SUMF1: variants seen among roughly 807,000 people sequenced by gnomAD.
The protein encoded by SUMF1 is sulfatase modifying factor 1.
A neutral mutation model predicts 47.6 loss-of-function variants in SUMF1; 48 were observed. The ratio of observed to expected loss-of-function variants is 1.01; its 90% CI spans 0.80 to 1.28. The LOEUF is 1.28. Among genes scored for constraint, SUMF1 ranks in the 50% most tolerant of loss-of-function variants. SUMF1 has a pLI of 0.00. For missense variants in SUMF1, 571 were observed against 485.4 expected (o/e 1.18, Z -1.66); for synonymous variants, 230 against 192.1 (o/e 1.20, Z -1.63).
chr3:4,216,665 T>C lies in SUMF1; in HGVS notation c.1015-147920A>G, dbSNP rs1016017665. 5.3e-5 allele frequency among the ~76,000 whole-genome samples: 8 copies of C among 151,778 alleles called. No individual in the cohort carries two copies. The East Asian group carries it at 1.5e-3, about 29-fold the overall frequency. On this transcript the variant is annotated intron_variant and NMD_transcript_variant, in intron 8 of 12. Transcript: ENST00000448413. ...GAATCTACAAAGAACTCAAACAAAT[T>C]TACAAGAAAAAAACAACCCCATCAA...
In SUMF1 at chr3:4,292,092, C is replaced by G. The variant is rs577201372; in HGVS notation, c.1014+84238G>C. The stretch of plus-strand genomic sequence containing the variant: ...GCAAAAACATGTTTGGAATAAAACT[C>G]CAGTTGTTCAAATGTAAATCTATTG... On this transcript the variant is annotated intron_variant and NMD_transcript_variant, in intron 8 of 12. Transcript: ENST00000448413. Among the ~76,000 whole-genome samples the G allele has an allele frequency of 2.0e-5, 3 of 152,238 alleles. No homozygotes were observed. In the East Asian group the frequency reaches 5.8e-4, roughly 29 times the overall value.
chr3:4,386,421 C>T (rs1349354945), intron 7 of SUMF1, among the ~76,000 whole-genome samples: 4 of 152,012 alleles, frequency 2.6e-5, no homozygotes, highest in Admixed American at 2.6e-4. Context: ...TGTTGTTAGT[C>T]TTACAAAAAT....
chr3:4,272,299 G>T (rs554561850), intron 8 of SUMF1, among the ~76,000 whole-genome samples: 14 of 152,356 alleles, frequency 9.2e-5, no homozygotes, highest in Non-Finnish European at 1.8e-4. Flanking sequence ...AAAACGCAGA[G>T]GCTGGGCTGT....
At chr3:4,355,470 A>T (rs1270151940) in intron 8 of SUMF1, among the ~76,000 whole-genome samples, 1 of 152,142 alleles carries the variant, frequency 6.6e-6, no homozygotes, top group African/African-American at 2.4e-5. Flanking sequence ...GCAGAGAAAA[A>T]TTGTGGACTT....
At chr3:4,279,058 G>T (rs1697477558) in intron 8 of SUMF1, among the ~76,000 whole-genome samples, 1 of 152,148 alleles carries the variant, frequency 6.6e-6, no homozygotes, top group East Asian at 1.9e-4. Flanking sequence ...CAAAGGATTG[G>T]AAAATTTTTT....
intron 8 of SUMF1, among the ~76,000 whole-genome samples, chr3:4,220,370 T>C (rs1406152820): frequency 6.6e-6 from 1 of 152,172 alleles, no homozygotes; most frequent in Non-Finnish European, 1.5e-5. Flanking sequence ...AGTAGCGATG[T>C]CCAAAGCATT....
intron 8 of SUMF1, among the ~76,000 whole-genome samples, chr3:4,247,131 T>G (rs1696689015): frequency 6.6e-6 from 1 of 152,206 alleles, no homozygotes. Flanking sequence ...AGGAGGCATA[T>G]TTTTTCACTG....
chr3:4,078,118 T>C (rs1239352230), intron 8 of SUMF1, among the ~76,000 whole-genome samples: 5 of 152,110 alleles, frequency 3.3e-5, no homozygotes, highest in African/African-American at 7.3e-5. Context: ...TGATTGCATA[T>C]GGTACTGTTC....
chr3:4,087,497 G>A (rs1454296999), intron 8 of SUMF1, among the ~76,000 whole-genome samples: 2 of 152,082 alleles, frequency 1.3e-5, no homozygotes, highest in Non-Finnish European at 2.9e-5. Flanking sequence ...TTGACCTCTA[G>A]CCAGTAGTTC....
At chr3:4,352,434 C>G (rs1559238583) in intron 8 of SUMF1, among the ~76,000 whole-genome samples, 1 of 152,122 alleles carries the variant, frequency 6.6e-6, no homozygotes, top group Non-Finnish European at 1.5e-5. Flanking sequence ...ACAATGAACA[C>G]AGTCTACCAG....
chr3:4,319,408 G>T (rs1698772402), intron 8 of SUMF1, among the ~76,000 whole-genome samples: 1 of 152,190 alleles, frequency 6.6e-6, no homozygotes, highest in Non-Finnish European at 1.5e-5. Context: ...ACTACAACTG[G>T]GGAGGCTTAC....
At position 4,141,669 on chromosome 3, in the gene SUMF1, T is replaced by TCAAACAAACAAA. The variant is rs138261177; in HGVS notation, c.1015-72936_1015-72925dup. 7.9e-5 allele frequency among the ~76,000 whole-genome samples: 12 copies of TCAAACAAACAAA among 151,920 alleles called. 2 individuals carry two copies. Among genetic ancestry groups the TCAAACAAACAAA allele is most frequent in the Admixed American group, 6.6e-5 (1 of 15,246 alleles). On this transcript the variant is annotated intron_variant and NMD_transcript_variant, in intron 8 of 12. Transcript: ENST00000448413. ...CAGAGCAAGATCCTGCTTCAAAGCC[T>TCAAACAAACAAA]CAAACAAACAAACAAACAAACAAAC... is the stretch of plus-strand genomic sequence containing the variant.
intron 8 of SUMF1, among the ~76,000 whole-genome samples, chr3:4,190,470 G>A (rs979815489): frequency 7.0e-6 from 1 of 143,282 alleles, no homozygotes; most frequent in African/African-American, 3.0e-5. Flanking sequence ...TCTTATGAAG[G>A]CCAATAAGAA....
chr3:4,451,012 A>G (rs1702949881), intron 2 of SUMF1, among the ~76,000 whole-genome samples: 1 of 152,138 alleles, frequency 6.6e-6, no homozygotes. Context: ...GTCCTTTTTG[A>G]GCTCCTTGGC....
Position 4,372,601 on chromosome 3 carries a change from TG to T in SUMF1, c.1014+3728del, listed in dbSNP as rs1700202653. ...TGAGCCTTTACCATAAGCTAAGCAC[TG>T]TACCAAGAACTTATATATGTTGGTT... is the stretch of plus-strand genomic sequence containing the variant. On this transcript the variant is annotated intron_variant, in intron 8 of 8. Transcript: ENST00000272902. Among the ~76,000 whole-genome samples the T allele has an allele frequency of 2.0e-5, 3 of 152,182 alleles. No individual in the cohort carries two copies. In the South Asian group the frequency reaches 6.2e-4, roughly 32 times the overall value.
At chr3:4,456,502 A>C (rs2079604245) in intron 1 of SUMF1, among the ~76,000 whole-genome samples, 2 of 141,878 alleles carry the variant, frequency 1.4e-5, no homozygotes, top group East Asian at 4.1e-4. Flanking sequence ...CCCAGGCTGG[A>C]GTGCAGTAGC....
At chr3:4,319,326 G>A (rs957559866) in intron 8 of SUMF1, among the ~76,000 whole-genome samples, 15 of 152,178 alleles carry the variant, frequency 9.9e-5, no homozygotes, top group Non-Finnish European at 1.9e-4. Context: ...AATGAATGTT[G>A]CCATGAAAGA....
intron 8 of SUMF1, among the ~76,000 whole-genome samples, chr3:4,169,663 C>A (rs1447684075): frequency 6.6e-6 from 1 of 152,154 alleles, no homozygotes; most frequent in Non-Finnish European, 1.5e-5. Context: ...AATGCAATCA[C>A]CGTTACCAAT....
At chr3:4,255,684 T>C (rs370734233) in intron 8 of SUMF1, among the ~76,000 whole-genome samples, 9 of 138,704 alleles carry the variant, frequency 6.5e-5, no homozygotes, top group African/African-American at 1.4e-4. Context: ...TAACACCCCA[T>C]TGTCAACATT....
Sources: allele counts gnomAD v4.1 joint callset (sites outside exome capture counted in the v4.1 genomes callset), GRCh38; gene constraint gnomAD v4.1.1; transcripts MANE v1.5; gene names NCBI Gene and HGNC (gene_info 2026-07-23, HGNC 2026-07-21).